Variants in UPRT observed in about 807,000 individuals in gnomAD.
UPRT encodes the protein RP11-311P8.3.
Under a neutral mutation model 22.6 loss-of-function variants are expected in UPRT, and 5 were observed. The observed-to-expected ratio is 0.22, with a 90% CI of 0.12 to 0.47. The LOEUF (loss-of-function observed/expected upper bound fraction) is 0.47, where lower values mean the gene tolerates loss of function less well. UPRT is among the 20% of genes least tolerant of loss of function. UPRT has a pLI of 0.99. For synonymous variants in UPRT, 77 were observed against 87.7 expected, an observed-to-expected ratio of 0.88 and a Z score of 0.68; for missense variants, 181 against 239.9, an observed-to-expected ratio of 0.75 and a Z score of 1.62.
chrX:75,269,196 A>G (rs2082600087), upstream of UPRT, among the ~76,000 whole-genome samples: 1 of 111,716 alleles, frequency 9.0e-6, no homozygotes, highest in Non-Finnish European at 1.9e-5. Flanking sequence ...TAAAACTTAC[A>G]AGGGGTGTGA....
chrX:75,276,626 G>A (rs181910244), intron 1 of UPRT, among the ~76,000 whole-genome samples: 4 of 111,617 alleles, frequency 3.6e-5, no homozygotes, highest in African/African-American at 9.7e-5. Flanking sequence ...CGACTCCCTC[G>A]TACCAGTAGA....
intron 4 of UPRT, among the ~76,000 whole-genome samples, chrX:75,187,570 G>A (rs986894270): frequency 9.0e-6 from 1 of 111,729 alleles, no homozygotes; most frequent in Non-Finnish European, 1.9e-5. Flanking sequence ...AGGTTGGACT[G>A]CCTTGCTAGA....
intron 4 of UPRT, among the ~76,000 whole-genome samples, chrX:75,258,657 G>A (rs1237558473): frequency 8.9e-6 from 1 of 111,818 alleles, no homozygotes; most frequent in Non-Finnish European, 1.9e-5. Context: ...CATCTTCCTG[G>A]GACAGAGCAC....
chrX:75,194,972 G>A (rs746371876), intron 4 of UPRT, among the ~76,000 whole-genome samples: 41 of 110,910 alleles, frequency 3.7e-4, no homozygotes, highest in African/African-American at 1.2e-3. Context: ...GCAGCATGGC[G>A]GGGGGCACGG....
At chrX:75,221,302 C>A (rs1220855761) in intron 4 of UPRT, among the ~76,000 whole-genome samples, 1 of 109,269 alleles carries the variant, frequency 9.2e-6, no homozygotes. Flanking sequence ...AGGTAGTATT[C>A]TTTGGGTTAA....
At chrX:75,302,627 C>T (rs887897697) in intron 6 of UPRT, among the ~76,000 whole-genome samples, 32 of 111,449 alleles carry the variant, frequency 2.9e-4, no homozygotes, top group Non-Finnish European at 5.8e-4. Context: ...TTATATATTA[C>T]ATCCTTTGAA....
intron 4 of UPRT, among the ~76,000 whole-genome samples, chrX:75,262,572 T>A (rs2082572485): frequency 9.0e-6 from 1 of 110,507 alleles, no homozygotes; most frequent in Non-Finnish European, 1.9e-5. Flanking sequence ...AGGCTCAAAA[T>A]AAAGAAATGG....
At chrX:75,243,614 TG>T (rs1462093739) in intron 4 of UPRT, among the ~76,000 whole-genome samples, 1 of 111,800 alleles carries the variant, frequency 8.9e-6, no homozygotes, top group African/African-American at 3.2e-5. Context: ...TTAAACTGGC[TG>T]GATGAATAGA....
chrX:75,197,420 G>A (rs867901426), intron 4 of UPRT, among the ~76,000 whole-genome samples: 6 of 111,875 alleles, frequency 5.4e-5, no homozygotes, highest in African/African-American at 1.9e-4. Context: ...AATCATATTC[G>A]TGAGGATTTT....
chrX:75,272,901 A>G (rs778274979), upstream of UPRT, among the ~76,000 whole-genome samples: 5 of 111,896 alleles, frequency 4.5e-5, no homozygotes, highest in Non-Finnish European at 7.5e-5. Context: ...CACTATTTAC[A>G]ATAACAAAGA....
chrX:75,233,598 C>T (rs1310310025), intron 4 of UPRT, among the ~76,000 whole-genome samples: 1 of 111,195 alleles, frequency 9.0e-6, no homozygotes, highest in Non-Finnish European at 1.9e-5. Flanking sequence ...TCAGCAGAAA[C>T]TCTACAAGCC....
intron 4 of UPRT, among the ~76,000 whole-genome samples, chrX:75,266,469 C>T (rs910040149): frequency 6.3e-5 from 7 of 111,536 alleles, no homozygotes; most frequent in African/African-American, 2.3e-4. Flanking sequence ...AAATGTTAGA[C>T]CTAAAACCAT....
At chrX:75,243,872 AT>A (rs2082495742) in intron 4 of UPRT, among the ~76,000 whole-genome samples, 1 of 111,674 alleles carries the variant, frequency 9.0e-6, no homozygotes, top group Non-Finnish European at 1.9e-5. Flanking sequence ...CTTTGTTTCA[AT>A]GTTTTTCCTT....
In UPRT at chrX:75,188,340, T is replaced by C. The variant is rs1431515629; in HGVS notation, c.-447+20461T>C. On this transcript the variant is annotated intron_variant, in intron 4 of 13. Coordinates refer to the UPRT transcript ENST00000652605. ...GCCTCCCAGTTAGACTGCTCGGTGG[T>C]CAGGGGTCAGGGACCCACCTGAGGA... Among the ~76,000 whole-genome samples the C allele has an allele frequency of 4.5e-5, 5 of 111,998 alleles. No homozygotes were observed. In the East Asian group the frequency reaches 8.4e-4, roughly 19 times the overall value.
chrX:75,235,924 C>T (rs1179272389), intron 4 of UPRT, among the ~76,000 whole-genome samples: 1 of 111,399 alleles, frequency 9.0e-6, no homozygotes, highest in East Asian at 2.8e-4. Context: ...TCCTATTCAA[C>T]ATTGTGTTGG....
chrX:75,228,461 C>T (rs1184405203), intron 4 of UPRT, among the ~76,000 whole-genome samples: 1 of 111,660 alleles, frequency 9.0e-6, no homozygotes, highest in Non-Finnish European at 1.9e-5. Context: ...TTAGATTTGG[C>T]CTTCCTTGAC....
intron 4 of UPRT, among the ~76,000 whole-genome samples, chrX:75,188,732 G>C (rs192014071): frequency 3.4e-4 from 38 of 112,656 alleles, no homozygotes; most frequent in Admixed American, 1.0e-3. Context: ...CTGGTGCCCC[G>C]TTTTTTAAGC....
intron 4 of UPRT, among the ~76,000 whole-genome samples, chrX:75,232,497 A>C (rs1569270203): frequency 8.9e-6 from 1 of 112,664 alleles, no homozygotes; most frequent in Non-Finnish European, 1.9e-5. Context: ...GGGCACAAAC[A>C]AAAAGACAGC....
intron 4 of UPRT, among the ~76,000 whole-genome samples, chrX:75,220,898 AC>A (rs1255038277): frequency 9.0e-6 from 1 of 111,577 alleles, no homozygotes; most frequent in Non-Finnish European, 1.9e-5. Flanking sequence ...CTCCATACTC[AC>A]TATTATCAGT....
Sources: allele counts gnomAD v4.1 joint callset (sites outside exome capture counted in the v4.1 genomes callset), GRCh38; gene constraint gnomAD v4.1.1; transcripts MANE v1.5; gene names NCBI Gene and HGNC (gene_info 2026-07-23, HGNC 2026-07-21).